ZIM2: variants seen among roughly 807,000 people sequenced by gnomAD.
ZIM2 encodes zinc finger imprinted 2, also known as zinc finger protein 656.
In ZIM2, 14 loss-of-function variants were observed where a neutral mutation model predicts 38.6. The ratio of observed to expected loss-of-function variants is 0.36; its 90% confidence interval spans 0.24 to 0.57. ZIM2 has a LOEUF of 0.57. Among genes scored for constraint, ZIM2 ranks in the 20% least tolerant of loss-of-function variants. ZIM2 has a pLI of 0.81. For synonymous variants in ZIM2, 247 were observed against 245.8 expected, an observed-to-expected ratio of 1.00 and a Z score of -0.04; for missense variants, 680 against 695.1, an observed-to-expected ratio of 0.98 and a Z score of 0.24.
chr19:56,777,198 A>C (rs1215326203), intron 12 of ZIM2, among the ~76,000 whole-genome samples: 1 of 152,210 alleles, frequency 6.6e-6, no homozygotes. Context: ...CAGAGCCAGA[A>C]CATGGCTTAG....
At chr19:56,795,212 G>A (rs1323085182) in intron 9 of ZIM2, among the ~76,000 whole-genome samples, 2 of 152,184 alleles carry the variant, frequency 1.3e-5, no homozygotes, top group East Asian at 3.9e-4. Flanking sequence ...CACCAGCGCA[G>A]AGCCGTCCTG....
chr19:56,833,237 TGG>T, intron 2 of ZIM2: 1 of 495,434 alleles, frequency 2.0e-6, no homozygotes, highest in South Asian at 1.5e-5. Context: ...TTACTTACTT[TGG>T]TCCCTCACCA....
At chr19:56,795,276 T>C (rs1031709478) in intron 9 of ZIM2, among the ~76,000 whole-genome samples, 14 of 152,120 alleles carry the variant, frequency 9.2e-5, no homozygotes, top group African/African-American at 3.4e-4. Context: ...AGCCCTCGCC[T>C]CTGGGGTGGC....
intron 9 of ZIM2, chr19:56,816,006 A>T: frequency 6.3e-7 from 1 of 1,587,996 alleles, no homozygotes; most frequent in Non-Finnish European, 8.6e-7. Context: ...GATGGTTGAT[A>T]GCATCGAAGC....
intron 2 of ZIM2, among the ~76,000 whole-genome samples, chr19:56,829,572 G>A (rs958503543): frequency 1.3e-5 from 2 of 152,192 alleles, no homozygotes; most frequent in East Asian, 3.9e-4. Flanking sequence ...GCAACCCAGA[G>A]CCAAAGGCAG....
At chr19:56,796,637 G>T (rs1277285993) in intron 9 of ZIM2, among the ~76,000 whole-genome samples, 3 of 152,190 alleles carry the variant, frequency 2.0e-5, no homozygotes, top group African/African-American at 7.2e-5. Flanking sequence ...GGGTGAGCTT[G>T]CTCAGTGAGT....
rs80116048 is a variant in ZIM2, at chr19:56,776,142, G to A, written c.836-613C>T. 8.5e-3 allele frequency among the ~76,000 whole-genome samples: 1,287 copies of A among 151,020 alleles called. 14 individuals carry two copies. Among genetic ancestry groups the A allele is most frequent in the African/African-American group, 0.03 (1,228 of 41,046 alleles). On this transcript the variant is annotated intron_variant, in intron 12 of 12. Transcript: ENST00000629319. ...AAAAAAGGAAAAGACAGTAAGCAAG[G>A]AAGAGTGAGGAAGAAACAGAAAAAA... is the stretch of plus-strand genomic sequence containing the variant.
At chr19:56,821,523 T>C (rs1333046029) in intron 7 of ZIM2, 128 bp downstream of exon 7, 2 of 1,146,130 alleles carry the variant, frequency 1.7e-6, no homozygotes, top group Non-Finnish European at 1.2e-6. Flanking sequence ...GGGCTCCTCC[T>C]GGAGCGCTGG....
chr19:56,799,111 G>A (rs550500373), intron 9 of ZIM2: 2 of 152,064 alleles, frequency 1.3e-5, no homozygotes, highest in East Asian at 3.9e-4. Flanking sequence ...CTCATTACTG[G>A]GTATATACCC....
chr19:56,817,165 A>T (rs1029265402), intron 9 of ZIM2: 1 of 1,614,108 alleles, frequency 6.2e-7, no homozygotes, highest in African/African-American at 1.3e-5. Flanking sequence ...GCTCACGCTC[A>T]TGGCTTTTCT....
At chr19:56,811,634 CACAAAG>C in intron 9 of ZIM2, 1 of 984,472 alleles carries the variant, frequency 1.0e-6, no homozygotes, top group South Asian at 4.7e-5. Context: ...GTAATGTACC[CACAAAG>C]TTCACCCCGA....
intron 10 of ZIM2, among the ~76,000 whole-genome samples, chr19:56,788,213 G>C (rs959972565): frequency 2.0e-5 from 3 of 151,930 alleles, no homozygotes; most frequent in Non-Finnish European, 4.4e-5. Flanking sequence ...GTCAATTTTA[G>C]ATCTTTCCTG....
At chr19:56,792,359 C>T (rs935656650) in intron 9 of ZIM2, among the ~76,000 whole-genome samples, 1 of 151,224 alleles carries the variant, frequency 6.6e-6, no homozygotes, top group African/African-American at 2.4e-5. Context: ...GGTGAAACCC[C>T]GTCTTTACTA....
chr19:56,836,653 G>A (rs2062139447), intron 1 of ZIM2, among the ~76,000 whole-genome samples: 1 of 152,084 alleles, frequency 6.6e-6, no homozygotes, highest in Non-Finnish European at 1.5e-5. Context: ...GCATATTTTG[G>A]TGAGGTTAAA....
chr19:56,838,917 A>G (rs1159341209), intron 1 of ZIM2, among the ~76,000 whole-genome samples: 2 of 152,170 alleles, frequency 1.3e-5, no homozygotes, highest in African/African-American at 4.8e-5. Context: ...GATGGCACCC[A>G]GGTGGGCGGG....
At chr19:56,816,034 G>C in intron 9 of ZIM2, 1 of 1,595,180 alleles carries the variant, frequency 6.3e-7, no homozygotes, top group Non-Finnish European at 8.5e-7. Flanking sequence ...GGTAGACTCT[G>C]CCATTACTTT....
At chr19:56,790,642 C>G (rs892398083) in intron 9 of ZIM2, among the ~76,000 whole-genome samples, 1 of 152,222 alleles carries the variant, frequency 6.6e-6, no homozygotes, top group Non-Finnish European at 1.5e-5. Context: ...TGCTAACCTA[C>G]TGTTATAATT....
chr19:56,788,959 T>A (rs2046781984), intron 10 of ZIM2, among the ~76,000 whole-genome samples: 1 of 151,764 alleles, frequency 6.6e-6, no homozygotes, highest in South Asian at 2.1e-4. Context: ...TACTTATGTA[T>A]GCTTCATGAA....
rs570394809 is a variant in ZIM2, at chr19:56,829,715, C to T, written c.-226-3252G>A. ...TTGGATTCAACCCGTCCTCTACTTG[C>T]TGCCCAAAGGGCAACTAGCAGTGGG... On this transcript the variant is annotated intron_variant, in intron 2 of 12. Coordinates refer to ENST00000629319, the MANE Select transcript of ZIM2 (RefSeq NM_001387356.1). Among the ~76,000 whole-genome samples the T allele has an allele frequency of 3.3e-5, 5 of 152,380 alleles. No individual in the cohort carries two copies. In the East Asian group the frequency reaches 7.7e-4, roughly 24 times the overall value.
Sources: allele counts gnomAD v4.1 joint callset (sites outside exome capture counted in the v4.1 genomes callset), GRCh38; gene constraint gnomAD v4.1.1; transcripts MANE v1.5; gene names NCBI Gene and HGNC (gene_info 2026-07-23, HGNC 2026-07-21).